Variants in TDRD10 observed in about 807,000 individuals in gnomAD.
The protein encoded by TDRD10 is tudor domain-containing protein 10.
Under a neutral mutation model 48.0 loss-of-function variants are expected in TDRD10, and 40 were observed. The ratio of observed to expected loss-of-function variants is 0.83; its 90% CI spans 0.65 to 1.09. TDRD10 has a LOEUF of 1.09. Ranked by LOEUF, TDRD10 falls within the 50% of genes least tolerant of loss-of-function variation. The probability of loss-of-function intolerance (pLI) is 0.00; values close to 1 mark genes in which losing one functional copy is unlikely to be tolerated. For synonymous variants in TDRD10, 162 were observed against 170.4 expected (o/e 0.95, Z 0.38); for missense variants, 378 against 434.7 (o/e 0.87, Z 1.16).
At chr1:154,506,785 G>T in intron 1 of TDRD10, 92 bp from the exon 2 acceptor site, 1 of 1,103,738 alleles carries the variant, frequency 9.1e-7, no homozygotes, top group South Asian at 1.3e-5. Flanking sequence ...GGTTGGGGAG[G>T]CATTATTCTG....
chr1:154,503,407 G>A (rs2149305616), intron 1 of TDRD10, among the ~76,000 whole-genome samples: 1 of 152,216 alleles, frequency 6.6e-6, no homozygotes, highest in Non-Finnish European at 1.5e-5. Flanking sequence ...GGCCAACATG[G>A]TGAAACCTGG....
At position 154,547,755 on chromosome 1, in the gene TDRD10, C is replaced by G; in HGVS notation, c.*45C>G. Reference sequence around the variant, plus strand: ...TTCCCTCTCCTGTTTGCCACGGATCCAGAGGCCACCTGCCCTGTCTTCTCG... The same window carrying G: ...TTCCCTCTCCTGTTTGCCACGGATCGAGAGGCCACCTGCCCTGTCTTCTCG... On this transcript the variant is annotated 3_prime_UTR_variant, in exon 13 of 13. Coordinates refer to ENST00000368482, the MANE Select transcript of TDRD10 (RefSeq NM_182499.4). 2 of 1,609,030 alleles carry G rather than the reference C, an allele frequency of 1.2e-6. No homozygotes were observed. Among genetic ancestry groups the G allele is most frequent in the South Asian group, 2.2e-5 (2 of 90,940 alleles).
intron 6 of TDRD10, among the ~76,000 whole-genome samples, chr1:154,527,052 A>G (rs531106527): frequency 1.5e-4 from 23 of 152,216 alleles, no homozygotes; most frequent in African/African-American, 5.5e-4. Flanking sequence ...CTGGGATTAC[A>G]GGCACCTGCC....
At chr1:154,503,539 G>A (rs1383700912) in intron 1 of TDRD10, among the ~76,000 whole-genome samples, 1 of 152,194 alleles carries the variant, frequency 6.6e-6, no homozygotes, top group Admixed American at 6.5e-5. Context: ...AGTGAGCTGA[G>A]ATCAAGTCAC....
At chr1:154,514,591 C>T (rs542069441) in intron 4 of TDRD10, among the ~76,000 whole-genome samples, 1 of 152,290 alleles carries the variant, frequency 6.6e-6, no homozygotes, top group South Asian at 2.1e-4. Flanking sequence ...CCATCCAGAA[C>T]CTGGCACCTA....
rs117208840 is a variant in TDRD10, at chr1:154,543,482, C to T, written c.504-481C>T. 9.3e-4 allele frequency among the ~76,000 whole-genome samples: 142 copies of T among 152,172 alleles called. 1 individual carries two copies. In the East Asian group the frequency reaches 0.026, roughly 28 times the overall value. ...AAATGCTGTAGGGTGTCATTAGCCC[C>T]GTGTGGTTTAGGCAGGTAATTGAGT... is the stretch of plus-strand genomic sequence containing the variant. On this transcript the variant is annotated intron_variant, in intron 8 of 12. Coordinates refer to ENST00000368482, the MANE Select transcript of TDRD10 (RefSeq NM_182499.4).
chr1:154,533,357 T>G (rs1322984629), intron 6 of TDRD10, among the ~76,000 whole-genome samples: 38 of 99,306 alleles, frequency 3.8e-4, no homozygotes, highest in African/African-American at 1.1e-3. Context: ...TGTTGGGTTT[T>G]TTTTTTTTTT....
intron 5 of TDRD10, among the ~76,000 whole-genome samples, chr1:154,520,818 A>G (rs1694017924): frequency 1.3e-5 from 2 of 148,828 alleles, no homozygotes; most frequent in South Asian, 4.3e-4. Flanking sequence ...GCTCACTGCA[A>G]CTTCCACCTC....
intron 6 of TDRD10, among the ~76,000 whole-genome samples, chr1:154,536,970 C>T (rs1280781902): frequency 6.6e-6 from 1 of 152,208 alleles, no homozygotes; most frequent in African/African-American, 2.4e-5. Flanking sequence ...GGCAGGAAGA[C>T]CTGTTTCTGG....
chr1:154,515,165 G>T (rs1293693068), intron 4 of TDRD10, among the ~76,000 whole-genome samples: 1 of 152,054 alleles, frequency 6.6e-6, no homozygotes, highest in Non-Finnish European at 1.5e-5. Flanking sequence ...ACCACGTTCA[G>T]CCTCTGGCTA....
chr1:154,535,862 C>A (rs182927703), intron 6 of TDRD10, among the ~76,000 whole-genome samples: 1 of 152,224 alleles, frequency 6.6e-6, no homozygotes, highest in African/African-American at 2.4e-5. Flanking sequence ...AGAGGCTTCC[C>A]AGATTGGCCA....
Position 154,522,302 on chromosome 1 carries a change from C to G in TDRD10, c.369+823C>G, listed in dbSNP as rs1570930211. Among the ~76,000 whole-genome samples, 3 of 152,272 alleles carry G rather than the reference C, an allele frequency of 2.0e-5. No individual in the cohort carries two copies. The East Asian group carries it at 5.8e-4, about 29-fold the overall frequency. On this transcript the variant is annotated intron_variant, in intron 6 of 12. Transcript: ENST00000368482. ...CCTGACCACAGTTCTGCTTGTGTTT[C>G]ACTGGATGTCCCCGTAACTCATGGC...
intron 6 of TDRD10, among the ~76,000 whole-genome samples, chr1:154,527,471 C>T (rs6697115): frequency 0.79 from 119,497 of 152,118 alleles, 47,657 homozygotes; most frequent in East Asian, 0.92. Flanking sequence ...CCTTATCCCA[C>T]GCACAAAAAT....
intron 6 of TDRD10, among the ~76,000 whole-genome samples, chr1:154,530,672 T>C (rs1694567745): frequency 6.6e-6 from 1 of 152,088 alleles, no homozygotes; most frequent in Non-Finnish European, 1.5e-5. Context: ...GGCATTTCTT[T>C]GTATTTTTAC....
intron 6 of TDRD10, chr1:154,534,581 G>C (rs1273460542): frequency 6.6e-6 from 1 of 152,214 alleles, no homozygotes; most frequent in African/African-American, 2.4e-5. Context: ...GGAAGCCCCA[G>C]ATGCTCACTG....
chr1:154,541,034 A>G (rs914828663), intron 6 of TDRD10, among the ~76,000 whole-genome samples: 6 of 152,154 alleles, frequency 3.9e-5, no homozygotes, highest in African/African-American at 1.4e-4. Context: ...GTGTGGAGGT[A>G]AACAGCACAG....
At chr1:154,511,855 A>G (rs961858510) in intron 4 of TDRD10, among the ~76,000 whole-genome samples, 2 of 151,940 alleles carry the variant, frequency 1.3e-5, no homozygotes, top group African/African-American at 4.8e-5. Context: ...TCAAACAACA[A>G]CAGCAATGCA....
intron 6 of TDRD10, among the ~76,000 whole-genome samples, chr1:154,526,888 CTGAATTTTTTTTTTATT>C (rs1694348259): frequency 1.4e-5 from 1 of 73,396 alleles, no homozygotes; most frequent in South Asian, 5.5e-4. Context: ...CGCACCTGGC[CTGAATTTTTTTTTTATT>C]TTTTTATTAT....
At chr1:154,510,323 T>G (rs960985699) in intron 4 of TDRD10, among the ~76,000 whole-genome samples, 1 of 151,734 alleles carries the variant, frequency 6.6e-6, no homozygotes, top group Non-Finnish European at 1.5e-5. Flanking sequence ...CTGGGTGCGG[T>G]CGTTCATGCC....
Sources: allele counts gnomAD v4.1 joint callset (sites outside exome capture counted in the v4.1 genomes callset), GRCh38; gene constraint gnomAD v4.1.1; transcripts MANE v1.5; gene names NCBI Gene and HGNC (gene_info 2026-07-23, HGNC 2026-07-21).